Variants in JMJD1C observed in about 807,000 individuals in gnomAD.
JMJD1C encodes the protein jumonji domain-containing protein 1C.
Under a neutral mutation model 245.3 loss-of-function variants are expected in JMJD1C, and 31 were observed. The ratio of observed to expected loss-of-function variants is 0.13; its 90% CI spans 0.09 to 0.17. The LOEUF (loss-of-function observed/expected upper bound fraction) is 0.17, where lower values mean the gene tolerates loss of function less well. Ranked by LOEUF, JMJD1C falls within the 10% of genes least tolerant of loss-of-function variation. JMJD1C has a pLI of 1.00. For synonymous variants in JMJD1C, 1,057 were observed against 1,017.4 expected (o/e 1.04, Z -0.74); for missense variants, 2,691 against 3,000.2 (o/e 0.90, Z 2.41).
intron 1 of JMJD1C, among the ~76,000 whole-genome samples, chr10:63,419,514 C>A (rs1490321358): frequency 6.6e-6 from 1 of 152,236 alleles, no homozygotes; most frequent in East Asian, 1.9e-4. Context: ...GAGAAATAAG[C>A]AAAGCACTGT....
chr10:63,237,478 A>G (rs555779565), intron 3 of JMJD1C, among the ~76,000 whole-genome samples: 2 of 152,252 alleles, frequency 1.3e-5, no homozygotes, highest in Non-Finnish European at 2.9e-5. Flanking sequence ...AATGAACTAT[A>G]GTACCATACT....
intron 1 of JMJD1C, among the ~76,000 whole-genome samples, chr10:63,413,901 A>G (rs908704649): frequency 2.6e-5 from 4 of 152,140 alleles, no homozygotes; most frequent in Non-Finnish European, 4.4e-5. Flanking sequence ...AAAGAACCAT[A>G]GTGAAGAGTA....
rs1228817289 is a variant in JMJD1C, at chr10:63,204,996, T to C, written c.5074+1599A>G. The C allele has an allele frequency of 1.1e-4, 104 of 985,216 alleles. 1 individual carries two copies. Among genetic ancestry groups the C allele is most frequent in the Admixed American group, 1.8e-4 (3 of 16,268 alleles). 61.0% of individuals were successfully genotyped at this position (985,216 alleles called of 1,614,324 possible). A position where few individuals can be genotyped will look rare whatever the true frequency, so the allele number is the denominator to read the frequency against. On this transcript the variant is annotated intron_variant, in intron 10 of 25. Coordinates refer to ENST00000399262, the MANE Select transcript of JMJD1C (RefSeq NM_032776.3). Reference sequence around the variant, plus strand: ...TTGTATGTGGATGAACACACGGACATAGTGAAACTAAGTGCTTTCTGCATT... The same window carrying C: ...TTGTATGTGGATGAACACACGGACACAGTGAAACTAAGTGCTTTCTGCATT...
intron 3 of JMJD1C, among the ~76,000 whole-genome samples, chr10:63,236,208 CTTGG>C (rs1306331791): frequency 1.3e-5 from 2 of 152,086 alleles, no homozygotes; most frequent in African/African-American, 4.8e-5. Context: ...AATAGGGTTT[CTTGG>C]TTGATCACCC....
intron 3 of JMJD1C, among the ~76,000 whole-genome samples, chr10:63,246,256 C>G (rs1182193671): frequency 6.6e-6 from 1 of 151,950 alleles, no homozygotes; most frequent in Admixed American, 6.6e-5. Flanking sequence ...AATAAGACTA[C>G]CCCAAGGCAT....
At chr10:63,374,837 T>G (rs918688536) in intron 2 of JMJD1C, among the ~76,000 whole-genome samples, 2 of 152,224 alleles carry the variant, frequency 1.3e-5, no homozygotes, top group African/African-American at 2.4e-5. Flanking sequence ...CAGTGTTAGC[T>G]AAAACTATGT....
chr10:63,197,362 TA>T, intron 13 of JMJD1C, 48 bp downstream of exon 13: 1 of 1,488,990 alleles, frequency 6.7e-7, no homozygotes, highest in South Asian at 1.2e-5. Flanking sequence ...AGAGTGATCC[TA>T]AAGAAAAATT....
rs1178199984 is a variant in JMJD1C, at chr10:63,486,161, A to C, written n.113+35577T>G. 3.0e-3 allele frequency among the ~76,000 whole-genome samples: 120 copies of C among 40,256 alleles called. 1 individual carries two copies. Among genetic ancestry groups the C allele is most frequent in the African/African-American group, 5.6e-3 (87 of 15,556 alleles). 26.4% of individuals were successfully genotyped at this position (40,256 alleles called of 152,430 possible). A position where few individuals can be genotyped will look rare whatever the true frequency, so the allele number is the denominator to read the frequency against. ...GTAAAAAAAAAAAAAAAAAAAAAAA[A>C]AAAAAAACAAAAAACAGAAAACTTG... On this transcript the variant is annotated intron_variant and non_coding_transcript_variant, in intron 1 of 3. Coordinates refer to the JMJD1C transcript ENST00000633035.
At position 63,286,662 on chromosome 10, in the gene JMJD1C, C is replaced by G. The variant is rs1005942981; in HGVS notation, c.334-21898G>C. 3.3e-5 allele frequency among the ~76,000 whole-genome samples: 5 copies of G among 152,038 alleles called. No individual in the cohort carries two copies. The East Asian group carries it at 9.6e-4, about 29-fold the overall frequency. On this transcript the variant is annotated intron_variant, in intron 2 of 25. Coordinates refer to ENST00000399262, the MANE Select transcript of JMJD1C (RefSeq NM_032776.3). ...TTAAACTTTACCCAATTATACACACCAGGTTTTCAAATACGAAAAATCTAG... is the reference window on the plus strand; with the variant it reads ...TTAAACTTTACCCAATTATACACACGAGGTTTTCAAATACGAAAAATCTAG...
rs570688428 is a variant in JMJD1C, at chr10:63,208,196, C to A, written c.3473G>T (p.Gly1158Val). ...ATGTTCTGGTATCTTGCCTACTAAA[C>A]CTTCACTTTCTGGTTGGTGTTTAAT... ...PLIKHQPESE[G>V]LVGKIPEHLP... is the part of the protein sequence containing the mutation. The change falls in exon 10 of 26, where the codon GGT (glycine) becomes GTT (valine). Residue 1158 changes from glycine (G) to valine (V), a missense_variant. Gly to Val is a moderately radical substitution (Grantham distance 109). Around this residue, in one of 9 missense-constraint regions of JMJD1C, gnomAD observed 1,562 missense variants for 1,490.7 expected, o/e 1.05. Coordinates refer to ENST00000399262, the MANE Select transcript of JMJD1C (RefSeq NM_032776.3). 2 of 1,504,744 alleles carry A rather than the reference C, an allele frequency of 1.3e-6. No individual in the cohort carries two copies. The highest frequency in any genetic ancestry group is 1.8e-6 in the Non-Finnish European group (2 of 1,114,668). The allele number at this position is 1,504,744 out of a possible 1,614,324, so 93.2% of individuals were successfully genotyped here.
At chr10:63,435,136 T>C (rs1306900132) in intron 1 of JMJD1C, among the ~76,000 whole-genome samples, 2 of 152,234 alleles carry the variant, frequency 1.3e-5, no homozygotes, top group Non-Finnish European at 2.9e-5. Context: ...AAATCACCTT[T>C]TATCATTCAG....
At chr10:63,236,813 G>C (rs547492948) in intron 3 of JMJD1C, among the ~76,000 whole-genome samples, 3 of 152,190 alleles carry the variant, frequency 2.0e-5, no homozygotes, top group South Asian at 2.1e-4. Context: ...GAAAATTCCT[G>C]TGCACAAACT....
At chr10:63,428,346 T>C (rs563651071) in intron 1 of JMJD1C, among the ~76,000 whole-genome samples, 2 of 152,336 alleles carry the variant, frequency 1.3e-5, no homozygotes, top group Non-Finnish European at 2.9e-5. Flanking sequence ...TGCATTAATA[T>C]TGACAAAAGA....
At chr10:63,502,356 C>T (rs750709506) in intron 1 of JMJD1C, among the ~76,000 whole-genome samples, 2 of 152,092 alleles carry the variant, frequency 1.3e-5, no homozygotes, top group African/African-American at 2.4e-5. Flanking sequence ...AACCTGCCGG[C>T]GGCCAGGCAC....
intron 2 of JMJD1C, among the ~76,000 whole-genome samples, chr10:63,270,473 CT>C (rs538368803): frequency 1.3e-3 from 182 of 144,966 alleles, no homozygotes; most frequent in African/African-American, 3.0e-3. Context: ...CCAGCCTCTT[CT>C]TTTTTTTTTT....
chr10:63,424,228 CTTT>C (rs5785572), intron 1 of JMJD1C, among the ~76,000 whole-genome samples: 11 of 139,740 alleles, frequency 7.9e-5, no homozygotes, highest in Non-Finnish European at 7.8e-5. Flanking sequence ...CCATACCCAG[CTTT>C]TTTTTTTTTT....
chr10:63,278,010 G>C (rs1334462483), intron 2 of JMJD1C, among the ~76,000 whole-genome samples: 1 of 151,734 alleles, frequency 6.6e-6, no homozygotes, highest in Non-Finnish European at 1.5e-5. Context: ...TGGGATTACA[G>C]GCATTAGCCA....
intron 1 of JMJD1C, among the ~76,000 whole-genome samples, chr10:63,516,831 T>C (rs181868831): frequency 6.8e-4 from 103 of 152,328 alleles, no homozygotes; most frequent in African/African-American, 2.3e-3. Context: ...CCTAATCTTT[T>C]TATTCTATTG....
At chr10:63,464,315 G>C (rs570854564) in intron 1 of JMJD1C, among the ~76,000 whole-genome samples, 34 of 151,956 alleles carry the variant, frequency 2.2e-4, no homozygotes, top group Non-Finnish European at 3.7e-4. Flanking sequence ...ACTACAGTGA[G>C]GAAAACCCGA....
Sources: allele counts gnomAD v4.1 joint callset (sites outside exome capture counted in the v4.1 genomes callset), GRCh38; gene constraint gnomAD v4.1.1; regional missense constraint gnomAD v4.1.1; transcripts MANE v1.5; gene names NCBI Gene and HGNC (gene_info 2026-07-23, HGNC 2026-07-21).